DOCK7: variants seen among roughly 807,000 people sequenced by gnomAD.
The protein encoded by DOCK7 is dedicator of cytokinesis protein 7.
Under a neutral mutation model 271.0 loss-of-function variants are expected in DOCK7, and 138 were observed. The ratio of observed to expected loss-of-function variants is 0.51; its 90% CI spans 0.44 to 0.59. The LOEUF (loss-of-function observed/expected upper bound fraction) is 0.59. Ranked by LOEUF, DOCK7 falls within the 20% of genes least tolerant of loss-of-function variation. The probability of loss-of-function intolerance (pLI) is 0.00; values close to 1 mark genes in which losing one functional copy is unlikely to be tolerated. For missense variants in DOCK7, 2,066 were observed against 2,592.4 expected, an observed-to-expected ratio of 0.80 and a Z score of 4.41; for synonymous variants, 823 against 876.1, an observed-to-expected ratio of 0.94 and a Z score of 1.07.
In DOCK7 at chr1:62,494,257, C is replaced by T. The variant is rs755260176; in HGVS notation, c.5217+18G>A. 14 of 1,558,968 alleles carry T rather than the reference C, an allele frequency of 9.0e-6. No individual in the cohort carries two copies. In the South Asian group the frequency reaches 1.2e-4, roughly 13 times the overall value. The stretch of plus-strand genomic sequence containing the variant: ...AAAAGATATACCTTGATTTAATGTA[C>T]ATCTGGAAGATTCCTACCTGAAATG... On this transcript the variant is annotated intron_variant, in intron 40 of 49. Coordinates refer to ENST00000635253, the MANE Select transcript of DOCK7 (RefSeq NM_001367561.1).
chr1:62,488,773 T>G, intron 42 of DOCK7, 161 bp downstream of exon 42: 18 of 868,314 alleles, frequency 2.1e-5, no homozygotes, highest in East Asian at 8.1e-5. Flanking sequence ...TTATTGTTAA[T>G]GAGCTTTGCT....
intron 4 of DOCK7, among the ~76,000 whole-genome samples, chr1:62,652,247 CTTAGA>C: frequency 6.6e-6 from 1 of 152,258 alleles, no homozygotes; most frequent in East Asian, 1.9e-4. Context: ...GTATCTTCTC[CTTAGA>C]TTATTCTGTA....
chr1:62,637,562 T>C (rs970586319), intron 7 of DOCK7, among the ~76,000 whole-genome samples: 1 of 152,186 alleles, frequency 6.6e-6, no homozygotes, highest in South Asian at 2.1e-4. Flanking sequence ...AAGAACCATC[T>C]AGACAAAAAA....
At chr1:62,592,888 A>G (rs1028575178) in intron 14 of DOCK7, among the ~76,000 whole-genome samples, 2 of 152,206 alleles carry the variant, frequency 1.3e-5, no homozygotes, top group South Asian at 4.1e-4. Flanking sequence ...ACATCTATGA[A>G]TGTATATGAA....
chr1:62,559,336 G>A (rs1646246666), intron 19 of DOCK7, 116 bp from the exon 20 acceptor site: 1 of 654,080 alleles, frequency 1.5e-6, no homozygotes, highest in Admixed American at 3.1e-5. Context: ...AAAAGTTCAA[G>A]TAGGTATACA....
chr1:62,545,643 T>C (rs1424261332), intron 22 of DOCK7, among the ~76,000 whole-genome samples: 1 of 152,114 alleles, frequency 6.6e-6, no homozygotes, highest in Non-Finnish European at 1.5e-5. Context: ...ATAATAATAA[T>C]GGGCTACTAT....
At chr1:62,496,914 A>G (rs948862142) in intron 37 of DOCK7, among the ~76,000 whole-genome samples, 1 of 152,202 alleles carries the variant, frequency 6.6e-6, no homozygotes, top group Non-Finnish European at 1.5e-5. Flanking sequence ...AATTTAACAC[A>G]CATCATGCAT....
chr1:62,535,079 ACT>A, intron 29 of DOCK7, among the ~76,000 whole-genome samples: 1 of 152,266 alleles, frequency 6.6e-6, no homozygotes, highest in African/African-American at 2.4e-5. Context: ...ACAGAGCAAG[ACT>A]CTGCCTCAAA....
At chr1:62,587,803 C>G (rs1209232946) in intron 14 of DOCK7, among the ~76,000 whole-genome samples, 1 of 151,960 alleles carries the variant, frequency 6.6e-6, no homozygotes, top group Non-Finnish European at 1.5e-5. Flanking sequence ...GTGGAAAACT[C>G]TGTGTGGGGG....
chr1:62,534,911 T>C (rs1339680160), intron 29 of DOCK7, among the ~76,000 whole-genome samples: 1 of 151,956 alleles, frequency 6.6e-6, no homozygotes, highest in South Asian at 2.1e-4. Context: ...GACAACATGG[T>C]GAAACCCCAT....
rs373349077 is a variant in DOCK7, at chr1:62,566,423, T to C, written c.2113-4720A>G. On this transcript the variant is annotated intron_variant, in intron 18 of 49. Coordinates refer to ENST00000635253, the MANE Select transcript of DOCK7 (RefSeq NM_001367561.1). ...CTACAACCATATGATCTTTGACAAATCTGACAAAAACAAGCAATGGGGAAA... is the reference window on the plus strand; with the variant it reads ...CTACAACCATATGATCTTTGACAAACCTGACAAAAACAAGCAATGGGGAAA... Among the ~76,000 whole-genome samples, 9 of 151,962 alleles carry C rather than the reference T, an allele frequency of 5.9e-5. No homozygotes were observed. In the East Asian group the frequency reaches 1.7e-3, roughly 29 times the overall value.
chr1:62,504,218 G>C (rs1404791414), intron 37 of DOCK7, among the ~76,000 whole-genome samples: 4 of 151,848 alleles, frequency 2.6e-5, no homozygotes, highest in Non-Finnish European at 5.9e-5. Context: ...CTAAATATTT[G>C]ACTCAAAAAG....
chr1:62,608,416 A>T (rs1419909756), intron 14 of DOCK7: 1 of 152,104 alleles, frequency 6.6e-6, no homozygotes, highest in Non-Finnish European at 1.5e-5. Flanking sequence ...GTCTCCCCAC[A>T]CATTTCTGAT....
chr1:62,590,531 G>T (rs1381428126), intron 14 of DOCK7, among the ~76,000 whole-genome samples: 3 of 152,156 alleles, frequency 2.0e-5, no homozygotes, highest in Non-Finnish European at 2.9e-5. Context: ...AGAGATAAAA[G>T]ATGAAGTCCT....
At chr1:62,620,844 A>C (rs1348184564) in intron 12 of DOCK7, among the ~76,000 whole-genome samples, 2 of 146,530 alleles carry the variant, frequency 1.4e-5, no homozygotes, top group Non-Finnish European at 3.0e-5. Context: ...AGTTCGCACC[A>C]CTGCACTCCA....
At chr1:62,511,690 T>C (rs192967118) in intron 33 of DOCK7, among the ~76,000 whole-genome samples, 1 of 152,130 alleles carries the variant, frequency 6.6e-6, no homozygotes, top group Non-Finnish European at 1.5e-5. Context: ...CTTTCCCTTT[T>C]CTTTCCTTTC....
At chr1:62,492,996 A>G (rs1015641915) in intron 40 of DOCK7, 149 bp from the exon 41 acceptor site, 6 of 609,766 alleles carry the variant, frequency 9.8e-6, no homozygotes, top group African/African-American at 1.9e-5. Context: ...ATCTCTAAAA[A>G]CTTTCTGTAT....
At chr1:62,683,449 A>G (rs1176660545) in intron 1 of DOCK7, among the ~76,000 whole-genome samples, 1 of 152,208 alleles carries the variant, frequency 6.6e-6, no homozygotes, top group East Asian at 1.9e-4. Context: ...AATCCCACTC[A>G]TGTAAGATTT....
chr1:62,634,636 T>C (rs1655030796), intron 9 of DOCK7, 137 bp downstream of exon 9: 5 of 883,986 alleles, frequency 5.7e-6, no homozygotes, highest in Admixed American at 5.1e-5. Context: ...ACTGTGTATG[T>C]CCAATATTGT....
Sources: allele counts gnomAD v4.1 joint callset (sites outside exome capture counted in the v4.1 genomes callset), GRCh38; gene constraint gnomAD v4.1.1; transcripts MANE v1.5; gene names NCBI Gene and HGNC (gene_info 2026-07-23, HGNC 2026-07-21).